Variants in MEGF6 observed in about 807,000 individuals in gnomAD.
MEGF6 encodes multiple EGF like domains 6.
In MEGF6, 184 loss-of-function variants were observed where a neutral mutation model predicts 207.1. The observed-to-expected ratio is 0.89, with a 90% confidence interval of 0.79 to 1.00. The LOEUF (loss-of-function observed/expected upper bound fraction) is 1.00, where lower values mean the gene tolerates loss of function less well. MEGF6 is among the 50% of genes least tolerant of loss of function. The pLI is 0.00. For synonymous variants in MEGF6, 1,038 were observed against 910.0 expected, an observed-to-expected ratio of 1.14 and a Z score of -2.53; for missense variants, 2,282 against 2,202.9, an observed-to-expected ratio of 1.04 and a Z score of -0.72.
At chr1:3,586,385 A>T (rs1185202749) in intron 3 of MEGF6, among the ~76,000 whole-genome samples, 1 of 152,134 alleles carries the variant, frequency 6.6e-6, no homozygotes, top group Non-Finnish European at 1.5e-5. Flanking sequence ...GTGTGTGCGT[A>T]TGCGTGTGTG....
intron 12 of MEGF6, 143 bp downstream of exon 12, chr1:3,508,932 C>G (rs1641223039): frequency 2.7e-6 from 3 of 1,124,236 alleles, no homozygotes; most frequent in Non-Finnish European, 2.5e-6. Flanking sequence ...AGTGGCTCAC[C>G]CTCTCTGGGC....
At chr1:3,544,837 G>C (rs1394049404) in intron 4 of MEGF6, among the ~76,000 whole-genome samples, 2 of 152,140 alleles carry the variant, frequency 1.3e-5, no homozygotes, top group African/African-American at 2.4e-5. Flanking sequence ...CCGGGGAACA[G>C]CGGGGCAGAG....
chr1:3,535,114 C>T (rs530265746), intron 4 of MEGF6, among the ~76,000 whole-genome samples: 1 of 152,248 alleles, frequency 6.6e-6, no homozygotes, highest in East Asian at 1.9e-4. Context: ...CTGAATGAGA[C>T]CAGCTCAGGG....
Position 3,496,723 on chromosome 1 carries a change from C to G in MEGF6, c.3674G>C (p.Gly1225Ala). ...CEQLCGCLNG[G>A]SCDAATGACR... ...GGCCCCCGTGGCCGCATCACAGGAG[C>G]CCCCGTTGAGACACCCACACAGCTG... Residue 1225 changes from glycine to alanine, a missense_variant, in exon 29 of 37, where the codon GGC becomes GCC. Gly to Ala is a moderately conservative substitution (Grantham distance 60). Coordinates refer to ENST00000356575, the MANE Select transcript of MEGF6 (RefSeq NM_001409.4). 6.4e-7 allele frequency: 1 copy of G among 1,558,940 alleles called. No individual in the cohort carries two copies. The highest frequency in any genetic ancestry group is 8.7e-7 in the Non-Finnish European group (1 of 1,152,056).
intron 7 of MEGF6, among the ~76,000 whole-genome samples, chr1:3,513,646 A>C (rs980954422): frequency 1.6e-5 from 2 of 124,866 alleles, no homozygotes; most frequent in Admixed American, 1.0e-4. Context: ...GCTGGAGTGC[A>C]GTGGTGTGAT....
At chr1:3,513,644 G>A (rs1459777458) in intron 7 of MEGF6, among the ~76,000 whole-genome samples, 1 of 129,062 alleles carries the variant, frequency 7.7e-6, no homozygotes, top group Non-Finnish European at 1.6e-5. Flanking sequence ...AGGCTGGAGT[G>A]CAGTGGTGTG....
chr1:3,564,451 C>T lies in MEGF6; in HGVS notation c.481+15374G>A, dbSNP rs117047788. Among the ~76,000 whole-genome samples the T allele has an allele frequency of 4.3e-3, 653 of 152,210 alleles. 14 individuals are homozygous for T. In the East Asian group the frequency reaches 0.047, roughly 11 times the overall value. ...AAGACCCATGGGAAGGGAGAGGGAA[C>T]AGTCTGGCCGGGGTGACCCTAATAC... is the stretch of plus-strand genomic sequence containing the variant. On this transcript the variant is annotated intron_variant, in intron 4 of 36. Coordinates refer to ENST00000356575, the MANE Select transcript of MEGF6 (RefSeq NM_001409.4).
intron 3 of MEGF6, among the ~76,000 whole-genome samples, chr1:3,589,180 C>T (rs977520771): frequency 2.0e-5 from 3 of 152,206 alleles, no homozygotes; most frequent in Admixed American, 6.5e-5. Context: ...TCTACAACCA[C>T]GGAACGCCGC....
Position 3,528,932 on chromosome 1 carries a change from G to T in MEGF6, c.482-4686C>A, listed in dbSNP as rs1032416255. ...TGTGGTTATTTGTTACCGCACCCAC[G>T]GGGCACAACTGCAGAAGATACCACT... On this transcript the variant is annotated intron_variant, in intron 4 of 36. Coordinates refer to ENST00000356575, the MANE Select transcript of MEGF6 (RefSeq NM_001409.4). Among the ~76,000 whole-genome samples the T allele has an allele frequency of 2.6e-5, 4 of 152,078 alleles. No individual in the cohort carries two copies. In the East Asian group the frequency reaches 5.8e-4, roughly 22 times the overall value.
chr1:3,605,779 GT>G (rs1474563031), intron 1 of MEGF6, among the ~76,000 whole-genome samples: 1 of 152,236 alleles, frequency 6.6e-6, no homozygotes, highest in Non-Finnish European at 1.5e-5. Context: ...TGGCTGCCAG[GT>G]GGGTTTAGTC....
At chr1:3,619,490 C>A in the MEGF6 span, among the ~76,000 whole-genome samples, 17 of 152,206 alleles carry the variant, frequency 1.1e-4, no homozygotes, top group African/African-American at 4.1e-4. Context: ...TAATCCCCCA[C>A]GTGTCGAGAG....
At position 3,529,735 on chromosome 1, in the gene MEGF6, C is replaced by T. The variant is rs1003624273; in HGVS notation, c.482-5489G>A. Among the ~76,000 whole-genome samples, 3 of 152,238 alleles carry T rather than the reference C, an allele frequency of 2.0e-5. No individual in the cohort carries two copies. The South Asian group carries it at 6.2e-4, about 32-fold the overall frequency. On this transcript the variant is annotated intron_variant, in intron 4 of 36. Coordinates refer to ENST00000356575, the MANE Select transcript of MEGF6 (RefSeq NM_001409.4). The stretch of plus-strand genomic sequence containing the variant: ...GCCCCCAGCGACCACCACCCACGTC[C>T]CACAGCTCCCAGCCCAGGACTACAC...
chr1:3,491,024 G>A (rs1640336466), intron 35 of MEGF6, 65 bp from the exon 36 acceptor site: 9 of 1,467,274 alleles, frequency 6.1e-6, no homozygotes, highest in African/African-American at 5.7e-5. Context: ...AGTAATGGCA[G>A]CAAGGCGTGA....
intron 10 of MEGF6, 134 bp downstream of exon 10, chr1:3,510,649 C>T: frequency 1.6e-6 from 2 of 1,285,578 alleles, no homozygotes; most frequent in Non-Finnish European, 2.1e-6. Context: ...CCAACACCCA[C>T]AGCCCCAAAG....
At chr1:3,543,440 G>C (rs1642594148) in intron 4 of MEGF6, among the ~76,000 whole-genome samples, 1 of 152,262 alleles carries the variant, frequency 6.6e-6, no homozygotes, top group Admixed American at 6.5e-5. Context: ...ACATTTTTGG[G>C]GGAGGCTGGG....
chr1:3,490,738 T>TACCCCACCC, intron 36 of MEGF6, 149 bp from the exon 37 acceptor site: 1 of 1,082,832 alleles, frequency 9.2e-7, no homozygotes, highest in Non-Finnish European at 1.3e-6. Flanking sequence ...CTTCCCAGCC[T>TACCCCACCC]GTCCTTCCCA....
At chr1:3,510,122 A>G in intron 10 of MEGF6, 130 bp from the exon 11 acceptor site, 1 of 1,258,914 alleles carries the variant, frequency 7.9e-7, no homozygotes, top group Non-Finnish European at 1.1e-6. Flanking sequence ...CATCTCTTCA[A>G]CCAGCCAGTA....
rs756344106 is a variant in MEGF6, at chr1:3,496,814, G to A, written c.3614-31C>T. 3.9e-6 allele frequency: 6 copies of A among 1,545,352 alleles called. No individual in the cohort carries two copies. In the African/African-American group the frequency reaches 8.2e-5, roughly 21 times the overall value. ...GGGAGAGGGGCTAGCTGCAGGGGCTGGGGCTGGAGGCTTCCCCAGTGCCCC... is the reference window on the plus strand; with the variant it reads ...GGGAGAGGGGCTAGCTGCAGGGGCTAGGGCTGGAGGCTTCCCCAGTGCCCC... On this transcript the variant is annotated intron_variant, in intron 28 of 36. Coordinates refer to ENST00000356575, the MANE Select transcript of MEGF6 (RefSeq NM_001409.4).
chr1:3,536,596 G>A (rs1185979573), intron 4 of MEGF6, among the ~76,000 whole-genome samples: 8 of 152,182 alleles, frequency 5.3e-5, no homozygotes, highest in East Asian at 1.9e-4. Context: ...CGTCCCAGCC[G>A]GAGAATGTGG....
Sources: gnomAD v4.1 joint callset for allele counts (sites outside exome capture counted in the v4.1 genomes callset) on GRCh38, gnomAD v4.1.1 for gene constraint, MANE v1.5 for transcripts, NCBI Gene and HGNC (gene_info 2026-07-23, HGNC 2026-07-21) for gene names.